Variants in CNTN5 observed in about 807,000 individuals in gnomAD.
CNTN5 encodes contactin 5.
CNTN5 carries 77 observed loss-of-function variants against 129.1 expected under a neutral mutation model. The observed-to-expected ratio is 0.60, with a 90% CI of 0.50 to 0.72. The LOEUF is 0.72. Among genes scored for constraint, CNTN5 ranks in the 30% least tolerant of loss-of-function variants. The pLI, the probability that CNTN5 is intolerant of heterozygous loss-of-function variation, is 0.00. For missense variants in CNTN5, 1,478 were observed against 1,328.8 expected, an observed-to-expected ratio of 1.11 and a Z score of -1.75; for synonymous variants, 509 against 465.6, an observed-to-expected ratio of 1.09 and a Z score of -1.20.
At chr11:99,894,298 A>G (rs1178898067) in intron 6 of CNTN5, among the ~76,000 whole-genome samples, 1 of 152,112 alleles carries the variant, frequency 6.6e-6, no homozygotes, top group Non-Finnish European at 1.5e-5. Context: ...TTTAAGTTCA[A>G]TACTATTAAT....
intron 3 of CNTN5, among the ~76,000 whole-genome samples, chr11:99,577,227 G>A (rs1369082157): frequency 6.6e-6 from 1 of 152,162 alleles, no homozygotes; most frequent in Admixed American, 6.5e-5. Context: ...AGGGAGAAAT[G>A]TCCAGCACTT....
chr11:99,141,237 T>A (rs1859500424), intron 1 of CNTN5, among the ~76,000 whole-genome samples: 1 of 152,180 alleles, frequency 6.6e-6, no homozygotes, highest in African/African-American at 2.4e-5. Context: ...GTTATGTATT[T>A]TCAGGAATTT....
chr11:99,088,820 T>C (rs1270585537), intron 1 of CNTN5, among the ~76,000 whole-genome samples: 1 of 152,200 alleles, frequency 6.6e-6, no homozygotes. Flanking sequence ...CCTTGCAAGA[T>C]GTTTACTGTC....
intron 2 of CNTN5, among the ~76,000 whole-genome samples, chr11:99,497,739 G>A (rs1946280637): frequency 1.3e-5 from 2 of 152,142 alleles, no homozygotes; most frequent in South Asian, 4.1e-4. Context: ...AAGATGGGAT[G>A]TACCTGACAG....
chr11:99,116,322 A>AACACT (rs928879021), intron 1 of CNTN5, among the ~76,000 whole-genome samples: 47 of 152,308 alleles, frequency 3.1e-4, no homozygotes, highest in African/African-American at 1.1e-3. Context: ...CACTGTGAAT[A>AACACT]GTAGATTAAC....
At chr11:99,703,284 T>C (rs963445346) in intron 3 of CNTN5, among the ~76,000 whole-genome samples, 1 of 149,108 alleles carries the variant, frequency 6.7e-6, no homozygotes, top group Non-Finnish European at 1.5e-5. Flanking sequence ...TAATCAAGAT[T>C]AAAACAAGCC....
At chr11:100,153,208 T>G (rs1013141993) in intron 13 of CNTN5, among the ~76,000 whole-genome samples, 3 of 152,220 alleles carry the variant, frequency 2.0e-5, no homozygotes, top group Admixed American at 6.6e-5. Context: ...GTTGCTACTT[T>G]TTGTTGTCAC....
chr11:100,054,444 A>C (rs542521000), intron 9 of CNTN5, among the ~76,000 whole-genome samples: 29 of 151,940 alleles, frequency 1.9e-4, no homozygotes, highest in African/African-American at 6.5e-4. Context: ...TCTTTCTTCT[A>C]ATAATTCGAT....
intron 3 of CNTN5, among the ~76,000 whole-genome samples, chr11:99,794,232 T>G (rs1227577031): frequency 2.0e-5 from 3 of 151,640 alleles, no homozygotes; most frequent in Non-Finnish European, 4.4e-5. Context: ...TGTCTGAAAT[T>G]AGAATAGCAA....
chr11:99,969,174 C>G (rs1160296699), intron 8 of CNTN5, among the ~76,000 whole-genome samples: 3 of 152,088 alleles, frequency 2.0e-5, no homozygotes, highest in African/African-American at 4.8e-5. Flanking sequence ...ATTTTATGAA[C>G]TCTCTCAATT....
chr11:100,349,576 C>G (rs1196939246), intron 23 of CNTN5, among the ~76,000 whole-genome samples: 4 of 151,788 alleles, frequency 2.6e-5, no homozygotes, highest in Non-Finnish European at 5.9e-5. Context: ...CCAAATTTTC[C>G]CAGCCAGGAA....
intron 1 of CNTN5, among the ~76,000 whole-genome samples, chr11:99,192,009 A>G (rs548940828): frequency 1.3e-5 from 2 of 151,758 alleles, no homozygotes; most frequent in African/African-American, 2.4e-5. Context: ...AAGATCAACT[A>G]ACTTGAGTTG....
chr11:99,205,520 A>C (rs1481879632), intron 1 of CNTN5, among the ~76,000 whole-genome samples: 1 of 152,200 alleles, frequency 6.6e-6, no homozygotes, highest in Non-Finnish European at 1.5e-5. Context: ...TCCAAAGAAA[A>C]TGTTTGTTGG....
At chr11:99,959,455 A>C (rs1378292343) in intron 8 of CNTN5, among the ~76,000 whole-genome samples, 1 of 152,184 alleles carries the variant, frequency 6.6e-6, no homozygotes, top group African/African-American at 2.4e-5. Context: ...ATTTCAATAG[A>C]GATAGTATAC....
intron 3 of CNTN5, among the ~76,000 whole-genome samples, chr11:99,651,622 G>A (rs1952160517): frequency 6.6e-6 from 1 of 151,916 alleles, no homozygotes; most frequent in Non-Finnish European, 1.5e-5. Flanking sequence ...TCATCTAGGA[G>A]AACAGACTGG....
intron 1 of CNTN5, among the ~76,000 whole-genome samples, chr11:99,317,983 C>A (rs921893668): frequency 1.3e-5 from 2 of 152,074 alleles, no homozygotes; most frequent in African/African-American, 4.8e-5. Flanking sequence ...TGGGCAGATT[C>A]TGGGTGGTGT....
intron 2 of CNTN5, among the ~76,000 whole-genome samples, chr11:99,510,165 G>A (rs1946780915): frequency 2.0e-5 from 3 of 151,922 alleles, no homozygotes; most frequent in Admixed American, 6.6e-5. Context: ...AAAGACACAA[G>A]CAGAGAGTGC....
intron 1 of CNTN5, among the ~76,000 whole-genome samples, chr11:99,084,350 C>T (rs1865915710): frequency 6.6e-6 from 1 of 152,102 alleles, no homozygotes; most frequent in African/African-American, 2.4e-5. Flanking sequence ...TATTAGAAAT[C>T]CTATTTGGCC....
intron 3 of CNTN5, among the ~76,000 whole-genome samples, chr11:99,695,174 A>G (rs923623174): frequency 6.6e-6 from 1 of 152,068 alleles, no homozygotes; most frequent in African/African-American, 2.4e-5. Flanking sequence ...ATGGAAAATA[A>G]GTAGATCATC....
Sources: gnomAD v4.1 joint callset for allele counts (sites outside exome capture counted in the v4.1 genomes callset) on GRCh38, gnomAD v4.1.1 for gene constraint, MANE v1.5 for transcripts, NCBI Gene and HGNC (gene_info 2026-07-23, HGNC 2026-07-21) for gene names.